The following PARD3B variants were observed in gnomAD, a reference collection of about 807,000 sequenced individuals.
PARD3B encodes partitioning defective 3 homolog B.
Under a neutral mutation model 130.2 loss-of-function variants are expected in PARD3B, and 103 were observed. The observed-to-expected ratio is 0.79, with a 90% confidence interval of 0.67 to 0.93. The LOEUF (loss-of-function observed/expected upper bound fraction) is 0.93. Among genes scored for constraint, PARD3B ranks in the 40% least tolerant of loss-of-function variants. PARD3B has a pLI of 0.00. For missense variants in PARD3B, 1,609 were observed against 1,499.2 expected (o/e 1.07, Z -1.21); for synonymous variants, 583 against 553.2 (o/e 1.05, Z -0.76).
chr2:205,354,292 G>A (rs1574785725), intron 18 of PARD3B, among the ~76,000 whole-genome samples: 1 of 151,606 alleles, frequency 6.6e-6, no homozygotes, highest in Non-Finnish European at 1.5e-5. Context: ...TTCAGTTACC[G>A]GTCAGGGAAC....
chr2:205,184,465 C>G (rs6719270), intron 13 of PARD3B, among the ~76,000 whole-genome samples: 32,487 of 151,952 alleles, frequency 0.21, 4,150 homozygotes, highest in African/African-American at 0.36. Flanking sequence ...TAGTTTGGCC[C>G]GGCGCGGTGG....
chr2:205,242,230 G>A (rs2039383811), intron 15 of PARD3B, among the ~76,000 whole-genome samples: 1 of 151,892 alleles, frequency 6.6e-6, no homozygotes, highest in African/African-American at 2.4e-5. Context: ...TTTCTACAAT[G>A]TTTTTCAAAT....
At chr2:205,315,683 C>G (rs2042541131) in intron 18 of PARD3B, among the ~76,000 whole-genome samples, 1 of 152,160 alleles carries the variant, frequency 6.6e-6, no homozygotes, top group Non-Finnish European at 1.5e-5. Context: ...TAGCGTTTCT[C>G]TCTCCAACTT....
In PARD3B at chr2:205,076,767, C is replaced by T. The variant is rs150970582; in HGVS notation, c.505-27659C>T. On this transcript the variant is annotated intron_variant, in intron 4 of 22. Coordinates refer to ENST00000406610, the MANE Select transcript of PARD3B (RefSeq NM_001302769.2). Reference sequence around the variant, plus strand: ...AGGTGGAACCATTTCATCCCAAAACCATTACCCCATTTCCCCCACCCCCTT... The same window carrying T: ...AGGTGGAACCATTTCATCCCAAAACTATTACCCCATTTCCCCCACCCCCTT... 2.6e-3 allele frequency among the ~76,000 whole-genome samples: 389 copies of T among 150,402 alleles called. 2 individuals carry two copies. Among genetic ancestry groups the T allele is most frequent in the African/African-American group, 9.3e-3 (377 of 40,402 alleles).
rs2041494503 is a variant in PARD3B, at chr2:205,288,782, A to G, written c.2186-11748A>G. Among the ~76,000 whole-genome samples the G allele has an allele frequency of 2.0e-5, 3 of 152,104 alleles. No homozygotes were observed. The highest frequency in any genetic ancestry group is 2.1e-4 in the South Asian group (1 of 4,822). Reference sequence around the variant, plus strand: ...TCCACCTCCTACTTCTCTTACCTATATATCATCCATCTTCAAGGATATGAC... The same window carrying G: ...TCCACCTCCTACTTCTCTTACCTATGTATCATCCATCTTCAAGGATATGAC... On this transcript the variant is annotated intron_variant, in intron 16 of 22. Transcript: ENST00000406610. The surrounding 1 kb of genome is among the most constrained non-coding windows in gnomAD (Gnocchi z 4.0).
chr2:205,583,839 C>T (rs1299382354), intron 22 of PARD3B, among the ~76,000 whole-genome samples: 1 of 152,194 alleles, frequency 6.6e-6, no homozygotes, highest in African/African-American at 2.4e-5. Context: ...TCCACCTCAC[C>T]TCCAGTTCTA....
chr2:204,717,790 T>C (rs143358861), intron 2 of PARD3B, among the ~76,000 whole-genome samples: 91 of 152,318 alleles, frequency 6.0e-4, no homozygotes, highest in African/African-American at 2.1e-3. Context: ...AGGTGGCATC[T>C]GTGCCTTGGA....
chr2:204,637,654 C>T (rs1346768775), intron 1 of PARD3B, among the ~76,000 whole-genome samples: 1 of 151,602 alleles, frequency 6.6e-6, no homozygotes, highest in Non-Finnish European at 1.5e-5. Flanking sequence ...ATTTTTATTA[C>T]TCGTGATTTA....
At chr2:204,761,415 A>G (rs985994288) in intron 2 of PARD3B, among the ~76,000 whole-genome samples, 1 of 152,194 alleles carries the variant, frequency 6.6e-6, no homozygotes, top group African/African-American at 2.4e-5. Context: ...GCAGAGGCAG[A>G]TATTAATAAT....
intron 22 of PARD3B, among the ~76,000 whole-genome samples, chr2:205,574,454 C>T (rs770532913): frequency 2.0e-5 from 3 of 152,144 alleles, no homozygotes; most frequent in East Asian, 3.8e-4. Context: ...TTGTTATCCA[C>T]GGGCTGCAGC....
At chr2:205,380,666 T>C (rs1232985066) in intron 18 of PARD3B, among the ~76,000 whole-genome samples, 19 of 92,276 alleles carry the variant, frequency 2.1e-4, no homozygotes, top group African/African-American at 3.9e-4. Flanking sequence ...ATATTATATA[T>C]AATATATAAA....
At chr2:205,423,504 C>T (rs1292465676) in intron 19 of PARD3B, among the ~76,000 whole-genome samples, 1 of 152,214 alleles carries the variant, frequency 6.6e-6, no homozygotes, top group Non-Finnish European at 1.5e-5. Context: ...CATTTCTTGG[C>T]ATATGCCTGG....
At chr2:205,240,177 A>G (rs1446646949) in intron 15 of PARD3B, among the ~76,000 whole-genome samples, 1 of 152,198 alleles carries the variant, frequency 6.6e-6, no homozygotes. Context: ...AAATTCTGGA[A>G]ATCAATCAGT....
intron 18 of PARD3B, among the ~76,000 whole-genome samples, chr2:205,369,931 C>A (rs2044746953): frequency 6.6e-6 from 1 of 152,196 alleles, no homozygotes; most frequent in South Asian, 2.1e-4. Context: ...TAGTCATTAG[C>A]TAGCAGCAAG....
At chr2:205,141,468 A>G (rs1234143338) in intron 10 of PARD3B, among the ~76,000 whole-genome samples, 1 of 152,188 alleles carries the variant, frequency 6.6e-6, no homozygotes, top group East Asian at 1.9e-4. Flanking sequence ...TAATTTGAAC[A>G]GGGTAGTTGC....
At chr2:205,382,820 A>G (rs531285750) in intron 18 of PARD3B, among the ~76,000 whole-genome samples, 1 of 152,090 alleles carries the variant, frequency 6.6e-6, no homozygotes, top group South Asian at 2.1e-4. Flanking sequence ...ATTATTCAGT[A>G]TTGGCCACTG....
chr2:205,276,056 GAGTT>G lies in PARD3B; in HGVS notation c.2186-24470_2186-24467del, dbSNP rs1165157202. On this transcript the variant is annotated intron_variant, in intron 16 of 22. Transcript: ENST00000406610. The surrounding 1 kb of genome is among the most constrained non-coding windows in gnomAD (Gnocchi z 5.0). Reference sequence around the variant, plus strand: ...TTATTTAGTCTGAGAAATCTATTAAGAGTTAGTCTTAATACAAGTAACTGAAGTT... The same window carrying G: ...TTATTTAGTCTGAGAAATCTATTAAGAGTCTTAATACAAGTAACTGAAGTT... Among the ~76,000 whole-genome samples, 1 of 152,126 alleles carries G rather than the reference GAGTT, an allele frequency of 6.6e-6. No homozygotes were observed. Among genetic ancestry groups the G allele is most frequent in the African/African-American group, 2.4e-5 (1 of 41,404 alleles).
In PARD3B at chr2:204,799,536, C is replaced by T. The variant is rs2042490747; in HGVS notation, c.222+113254C>T. ...CCGTGAGTGAACATTCACAGCCAGACAGTGGTCACTGTGGGTCTTTGGAGA... is the reference window on the plus strand; with the variant it reads ...CCGTGAGTGAACATTCACAGCCAGATAGTGGTCACTGTGGGTCTTTGGAGA... On this transcript the variant is annotated intron_variant, in intron 2 of 22. Coordinates refer to ENST00000406610, the MANE Select transcript of PARD3B (RefSeq NM_001302769.2). The surrounding 1 kb of genome is among the most constrained non-coding windows in gnomAD (Gnocchi z 4.1). Among the ~76,000 whole-genome samples the T allele has an allele frequency of 6.6e-6, 1 of 152,192 alleles. No homozygotes were observed. Among genetic ancestry groups the T allele is most frequent in the Non-Finnish European group, 1.5e-5 (1 of 68,032 alleles).
chr2:205,033,151 C>T (rs1422218145), intron 3 of PARD3B, among the ~76,000 whole-genome samples: 1 of 152,120 alleles, frequency 6.6e-6, no homozygotes, highest in Non-Finnish European at 1.5e-5. Flanking sequence ...CAACAATGCC[C>T]TAATGAGCCA....
Sources: allele counts gnomAD v4.1 joint callset (sites outside exome capture counted in the v4.1 genomes callset), GRCh38; gene constraint gnomAD v4.1.1; non-coding constraint Gnocchi (gnomAD v3.1); transcripts MANE v1.5; gene names NCBI Gene and HGNC (gene_info 2026-07-23, HGNC 2026-07-21).